The following CORIN variants were observed in gnomAD, a reference collection of about 807,000 sequenced individuals.
CORIN encodes atrial natriuretic peptide-converting enzyme.
Under a neutral mutation model 125.3 loss-of-function variants are expected in CORIN, and 117 were observed. The ratio of observed to expected loss-of-function variants is 0.93; its 90% CI spans 0.80 to 1.09. The LOEUF (loss-of-function observed/expected upper bound fraction) is 1.09. Among genes scored for constraint, CORIN ranks in the 50% least tolerant of loss-of-function variants. The pLI is 0.00. For missense variants in CORIN, 1,253 were observed against 1,306.7 expected, an observed-to-expected ratio of 0.96 and a Z score of 0.63; for synonymous variants, 450 against 466.4, an observed-to-expected ratio of 0.96 and a Z score of 0.45.
chr4:47,713,768 C>A (rs1310234306), intron 5 of CORIN, among the ~76,000 whole-genome samples: 3 of 151,918 alleles, frequency 2.0e-5, no homozygotes, highest in African/African-American at 7.3e-5. Context: ...TCTAGGAAAC[C>A]CAAAAAAGCA....
chr4:47,753,011 G>A (rs1191038751), intron 4 of CORIN, among the ~76,000 whole-genome samples: 2 of 152,100 alleles, frequency 1.3e-5, no homozygotes, highest in African/African-American at 2.4e-5. Flanking sequence ...ATTATCGGGG[G>A]AACCAGCCCC....
At chr4:47,826,654 C>A (rs1334231898) in intron 1 of CORIN, among the ~76,000 whole-genome samples, 2 of 152,222 alleles carry the variant, frequency 1.3e-5, no homozygotes, top group Non-Finnish European at 2.9e-5. Flanking sequence ...TCAGGACCTC[C>A]CACATAATTC....
At chr4:47,740,979 G>A (rs939902446) in intron 5 of CORIN, among the ~76,000 whole-genome samples, 4 of 151,840 alleles carry the variant, frequency 2.6e-5, no homozygotes, top group African/African-American at 9.7e-5. Flanking sequence ...TTAAATATAA[G>A]AGCTAAATCT....
chr4:47,702,264 T>C (rs748925188), intron 5 of CORIN, among the ~76,000 whole-genome samples: 18 of 152,208 alleles, frequency 1.2e-4, no homozygotes, highest in Non-Finnish European at 2.2e-4. Context: ...TCTGACAAAT[T>C]TTAAACAAAT....
In CORIN at chr4:47,628,461, T is replaced by TGC. The variant is rs371935811; in HGVS notation, c.2199-1941_2199-1940insGC. Among the ~76,000 whole-genome samples, 413 of 151,540 alleles carry TGC rather than the reference T, an allele frequency of 2.7e-3. 31 individuals are homozygous for TGC. Among genetic ancestry groups the TGC allele is most frequent in the South Asian group, 0.01 (50 of 4,802 alleles). The stretch of plus-strand genomic sequence containing the variant: ...ACGTGTGTGTGTGTGTGTGTGTGTG[T>TGC]GTGTGTGTGTGTTAAGAACACTAAG... On this transcript the variant is annotated intron_variant, in intron 16 of 21. Transcript: ENST00000273857.
intron 13 of CORIN, among the ~76,000 whole-genome samples, chr4:47,649,614 A>G (rs1482459750): frequency 6.6e-6 from 1 of 152,202 alleles, no homozygotes; most frequent in African/African-American, 2.4e-5. Context: ...AAGTAAACTG[A>G]CTGGCCAAAC....
intron 20 of CORIN, 121 bp from the exon 21 acceptor site, chr4:47,600,468 A>G (rs1477257194): frequency 1.5e-6 from 1 of 655,056 alleles, no homozygotes; most frequent in Non-Finnish European, 2.3e-6. Context: ...CAAGAGAGGC[A>G]TATTCTTTAC....
In CORIN at chr4:47,595,476, G is replaced by T; in HGVS notation, c.*245C>A. ...GCAGTCATGGTTAGGCCTGGCAAAAGGACAAAGTCTGCTTTGTTTGCTTTT... is the reference window on the plus strand; with the variant it reads ...GCAGTCATGGTTAGGCCTGGCAAAATGACAAAGTCTGCTTTGTTTGCTTTT... On this transcript the variant is annotated 3_prime_UTR_variant, in exon 22 of 22. Coordinates refer to ENST00000273857, the MANE Select transcript of CORIN (RefSeq NM_006587.4). 5.9e-5 allele frequency: 16 copies of T among 273,386 alleles called. No homozygotes were observed. Among genetic ancestry groups the T allele is most frequent in the Non-Finnish European group, 8.2e-5 (12 of 145,750 alleles). The allele number at this position is 273,386 out of a possible 1,614,324, so 16.9% of individuals were successfully genotyped here. A position where few individuals can be genotyped will look rare whatever the true frequency, so the allele number is the denominator to read the frequency against.
chr4:47,832,514 G>A (rs549424237), intron 1 of CORIN, among the ~76,000 whole-genome samples: 4 of 145,516 alleles, frequency 2.7e-5, no homozygotes, highest in Non-Finnish European at 4.5e-5. Flanking sequence ...GGATGATCTC[G>A]GCTCACTGCA....
chr4:47,644,606 C>A (rs1403809586), intron 14 of CORIN, among the ~76,000 whole-genome samples: 1 of 151,998 alleles, frequency 6.6e-6, no homozygotes, highest in Non-Finnish European at 1.5e-5. Context: ...ATTATACCAC[C>A]CAAAGACTAT....
rs769276928 is a variant in CORIN at position 47,680,136 on chromosome 4, C to T, written c.1132+5G>A. On this transcript the variant is annotated splice_donor_5th_base_variant and intron_variant, in intron 8 of 21. Transcript: ENST00000273857. ...AAGCAAAACAAACGTCCTCAGAGCA[C>T]TCACAGCAGTTGACCTCGTCAGACT... 7.5e-6 allele frequency: 12 copies of T among 1,595,724 alleles called. No individual in the cohort carries two copies. Among genetic ancestry groups the T allele is most frequent in the Non-Finnish European group, 1.0e-5 (12 of 1,163,196 alleles).
chr4:47,727,571 TG>T (rs1318821155), intron 5 of CORIN, among the ~76,000 whole-genome samples: 2 of 152,122 alleles, frequency 1.3e-5, no homozygotes, highest in Non-Finnish European at 2.9e-5. Context: ...TGCACAGTTT[TG>T]TTCTAGAGAT....
At chr4:47,645,510 T>C (rs944851554) in intron 13 of CORIN, among the ~76,000 whole-genome samples, 1 of 151,458 alleles carries the variant, frequency 6.6e-6, no homozygotes, top group Non-Finnish European at 1.5e-5. Context: ...CTGCATACCA[T>C]GAATAATATA....
intron 19 of CORIN, among the ~76,000 whole-genome samples, chr4:47,621,998 CCT>C (rs1491300279): frequency 1.2e-5 from 1 of 85,082 alleles, no homozygotes; most frequent in East Asian, 3.5e-4. Context: ...ATCCCTCCCC[CCT>C]CCCCCCACCC....
In CORIN at chr4:47,838,053, CAA is replaced by C; in HGVS notation, c.-106_-105del. 6.4e-7 allele frequency: 1 copy of C among 1,552,628 alleles called. No individual in the cohort carries two copies. Among genetic ancestry groups the C allele is most frequent in the Non-Finnish European group, 8.6e-7 (1 of 1,158,420 alleles). On this transcript the variant is annotated 5_prime_UTR_variant, in exon 1 of 22. Coordinates refer to ENST00000273857, the MANE Select transcript of CORIN (RefSeq NM_006587.4). The stretch of plus-strand genomic sequence containing the variant: ...CACTACGGATGATTTTCTCCAAGCT[CAA>C]GAGAGACAAACTGAACTTTAAGCGC...
intron 5 of CORIN, among the ~76,000 whole-genome samples, chr4:47,719,945 C>T (rs1347046483): frequency 6.6e-6 from 1 of 152,136 alleles, no homozygotes; most frequent in Admixed American, 6.5e-5. Flanking sequence ...AGTGGTTAGC[C>T]TCACTTTTCA....
Position 47,594,100 on chromosome 4 carries a change from T to C in CORIN, c.*1621A>G, listed in dbSNP as rs1437598339. The C allele has an allele frequency of 6.6e-6, 1 of 152,072 alleles. No homozygotes were observed. 9.4% of individuals were successfully genotyped at this position (152,072 alleles called of 1,614,324 possible). A position where few individuals can be genotyped will look rare whatever the true frequency, so the allele number is the denominator to read the frequency against. Reference sequence around the variant, plus strand: ...GTTGAGCAGGCTAAAAGTTGATACATTGAGTATGTAGCTACAACTGTAACA... The same window carrying C: ...GTTGAGCAGGCTAAAAGTTGATACACTGAGTATGTAGCTACAACTGTAACA... On this transcript the variant is annotated 3_prime_UTR_variant, in exon 22 of 22. Transcript: ENST00000273857.
At chr4:47,668,285 G>A (rs1724569546) in intron 10 of CORIN, among the ~76,000 whole-genome samples, 1 of 152,196 alleles carries the variant, frequency 6.6e-6, no homozygotes, top group Admixed American at 6.5e-5. Context: ...GAAAGAAAAA[G>A]TTCAACATCT....
In CORIN at chr4:47,653,501, T is replaced by G. The variant is rs1723828233; in HGVS notation, c.1843+52A>C. 32 of 1,411,358 alleles carry G rather than the reference T, an allele frequency of 2.3e-5. No homozygotes were observed. The South Asian group carries it at 3.6e-4, about 16-fold the overall frequency. The allele number at this position is 1,411,358 out of a possible 1,614,324, so 87.4% of individuals were successfully genotyped here. A position where few individuals can be genotyped will look rare whatever the true frequency, so the allele number is the denominator to read the frequency against. On this transcript the variant is annotated intron_variant, in intron 13 of 21. Coordinates refer to ENST00000273857, the MANE Select transcript of CORIN (RefSeq NM_006587.4). ...TCCATTTTTAACACAGTTTCTTATT[T>G]TATTCTAGTTATCACTGTACATTCA...
Sources: allele counts gnomAD v4.1 joint callset (sites outside exome capture counted in the v4.1 genomes callset), GRCh38; gene constraint gnomAD v4.1.1; transcripts MANE v1.5; gene names NCBI Gene and HGNC (gene_info 2026-07-23, HGNC 2026-07-21).